Variants in IQCM observed in about 807,000 individuals in gnomAD.
IQCM encodes the protein IQ motif containing M.
In IQCM, 45 loss-of-function variants were observed where a neutral mutation model predicts 57.6. The observed-to-expected ratio is 0.78, with a 90% CI of 0.62 to 1.00. The LOEUF (loss-of-function observed/expected upper bound fraction) is 1.00. Among genes scored for constraint, IQCM ranks in the 50% least tolerant of loss-of-function variants. IQCM has a pLI of 0.00. For synonymous variants in IQCM, 148 were observed against 158.9 expected (o/e 0.93, Z 0.51); for missense variants, 468 against 511.6 (o/e 0.91, Z 0.82).
chr4:149,566,208 G>A (rs1579513841), intron 9 of IQCM, among the ~76,000 whole-genome samples: 1 of 152,126 alleles, frequency 6.6e-6, no homozygotes, highest in African/African-American at 2.4e-5. Flanking sequence ...GTAGCATCAA[G>A]ATCTACTATG....
intron 7 of IQCM, among the ~76,000 whole-genome samples, chr4:149,664,724 A>G (rs1760547117): frequency 6.6e-6 from 1 of 152,128 alleles, no homozygotes; most frequent in African/African-American, 2.4e-5. Flanking sequence ...CTAAGGGTGC[A>G]GGGCTGCTGC....
At chr4:149,494,229 T>C (rs1742413757) in intron 12 of IQCM, among the ~76,000 whole-genome samples, 1 of 151,960 alleles carries the variant, frequency 6.6e-6, no homozygotes, top group East Asian at 1.9e-4. Flanking sequence ...TGCTGAGACA[T>C]AAATGCAAAG....
At chr4:149,576,270 C>T (rs760801049) in intron 9 of IQCM, among the ~76,000 whole-genome samples, 1 of 151,588 alleles carries the variant, frequency 6.6e-6, no homozygotes, top group South Asian at 2.1e-4. Flanking sequence ...GCACAGTACC[C>T]AAAAAGTAGT....
chr4:149,714,069 A>G (rs1561189789), intron 5 of IQCM, among the ~76,000 whole-genome samples: 1 of 152,132 alleles, frequency 6.6e-6, no homozygotes, highest in Non-Finnish European at 1.5e-5. Flanking sequence ...TCACGCTACT[A>G]AAATAGTAGG....
chr4:149,433,286 T>G (rs1164919321), intron 13 of IQCM, 110 bp downstream of exon 13: 1 of 495,250 alleles, frequency 2.0e-6, no homozygotes, highest in Non-Finnish European at 3.1e-6. Flanking sequence ...GAACATTCTA[T>G]AAGATCTATG....
At chr4:149,617,936 G>T (rs1047318136) in intron 8 of IQCM, among the ~76,000 whole-genome samples, 3 of 152,116 alleles carry the variant, frequency 2.0e-5, no homozygotes, top group African/African-American at 7.2e-5. Context: ...ACTGCCCAAG[G>T]CAATGTCTAG....
chr4:149,736,844 C>G (rs915361409), intron 3 of IQCM, among the ~76,000 whole-genome samples: 3 of 152,016 alleles, frequency 2.0e-5, no homozygotes, highest in African/African-American at 7.3e-5. Context: ...TAGGTATTTA[C>G]CAGAGAGAAT....
chr4:149,639,149 T>C (rs930338398), intron 7 of IQCM, among the ~76,000 whole-genome samples: 1 of 152,134 alleles, frequency 6.6e-6, no homozygotes, highest in Non-Finnish European at 1.5e-5. Flanking sequence ...AGACAGGGAT[T>C]GGGGCAGGGG....
chr4:149,644,444 TTA>T (rs1187754105), intron 7 of IQCM, among the ~76,000 whole-genome samples: 1 of 152,222 alleles, frequency 6.6e-6, no homozygotes, highest in East Asian at 1.9e-4. Context: ...CAAAATACTT[TTA>T]TGTTTTGCTT....
At chr4:149,410,292 AACTAAT>A (rs1425990383) in intron 13 of IQCM, among the ~76,000 whole-genome samples, 4 of 152,094 alleles carry the variant, frequency 2.6e-5, no homozygotes, top group East Asian at 1.9e-4. Context: ...CCACAATTTT[AACTAAT>A]ACTATTTATA....
chr4:149,793,642 T>G (rs1024593265), intron 2 of IQCM: 1 of 152,216 alleles, frequency 6.6e-6, no homozygotes, highest in Non-Finnish European at 1.5e-5. Context: ...TTATGGTTTA[T>G]GTTAATGGAT....
intron 6 of IQCM, among the ~76,000 whole-genome samples, chr4:149,683,618 T>C (rs1762352497): frequency 6.6e-6 from 1 of 151,448 alleles, no homozygotes; most frequent in Non-Finnish European, 1.5e-5. Context: ...TCTATAACGT[T>C]TTTATATATC....
At chr4:149,727,221 C>G (rs1034945214) in intron 5 of IQCM, among the ~76,000 whole-genome samples, 1 of 152,118 alleles carries the variant, frequency 6.6e-6, no homozygotes, top group African/African-American at 2.4e-5. Flanking sequence ...AATGGACTAC[C>G]TATTTGATGC....
intron 10 of IQCM, among the ~76,000 whole-genome samples, chr4:149,556,980 TTAAA>T (rs1433669744): frequency 1.3e-5 from 2 of 152,204 alleles, no homozygotes; most frequent in Non-Finnish European, 2.9e-5. Flanking sequence ...ACAGAAACTG[TTAAA>T]TAAACATTCT....
intron 10 of IQCM, among the ~76,000 whole-genome samples, chr4:149,555,757 A>C (rs1260400434): frequency 6.6e-6 from 1 of 152,194 alleles, no homozygotes; most frequent in Non-Finnish European, 1.5e-5. Context: ...TGAATAGAAA[A>C]GTTCCCTCTT....
At chr4:149,353,303 G>GA (rs1204198641) in intron 13 of IQCM, among the ~76,000 whole-genome samples, 1 of 152,170 alleles carries the variant, frequency 6.6e-6, no homozygotes, top group Non-Finnish European at 1.5e-5. Flanking sequence ...CAAGAGTGCG[G>GA]ATAAAAGGAA....
chr4:149,380,220 G>A (rs568466369), intron 13 of IQCM, among the ~76,000 whole-genome samples: 16 of 133,562 alleles, frequency 1.2e-4, no homozygotes, highest in African/African-American at 3.7e-4. Flanking sequence ...GAATGTGCTC[G>A]TGTGTGTGTG....
intron 12 of IQCM, among the ~76,000 whole-genome samples, chr4:149,466,413 G>A (rs539282490): frequency 1.3e-5 from 2 of 152,232 alleles, no homozygotes; most frequent in South Asian, 4.1e-4. Flanking sequence ...TTTTGCATGG[G>A]TCAAGCCACA....
chr4:149,755,646 T>G (rs1382050695), intron 2 of IQCM, among the ~76,000 whole-genome samples: 4 of 152,180 alleles, frequency 2.6e-5, no homozygotes, highest in African/African-American at 9.7e-5. Context: ...TTTACACTAA[T>G]ACTATTTAAC....
Sources: gnomAD v4.1 joint callset for allele counts (sites outside exome capture counted in the v4.1 genomes callset) on GRCh38, gnomAD v4.1.1 for gene constraint, MANE v1.5 for transcripts, NCBI Gene and HGNC (gene_info 2026-07-23, HGNC 2026-07-21) for gene names.